The following TINAG variants were observed in gnomAD, a reference collection of about 807,000 sequenced individuals.
The protein encoded by TINAG is tubulointerstitial nephritis antigen.
Under a neutral mutation model 72.7 loss-of-function variants are expected in TINAG, and 83 were observed. That is an observed-to-expected ratio of 1.14 (90% CI 0.96 to 1.37). TINAG has a LOEUF of 1.37. Among genes scored for constraint, TINAG ranks in the 40% most tolerant of loss-of-function variants. The pLI is 0.00. For missense variants in TINAG, 685 were observed against 576.6 expected (o/e 1.19, Z -1.93); for synonymous variants, 234 against 189.9 (o/e 1.23, Z -1.91).
intron 10 of TINAG, among the ~76,000 whole-genome samples, chr6:54,384,813 GA>G (rs34350198): frequency 9.9e-5 from 15 of 151,970 alleles, no homozygotes; most frequent in Non-Finnish European, 2.1e-4. Context: ...ATGAAAGATT[GA>G]AAAAAACTAT....
chr6:54,346,176 A>G (rs1785116752), intron 5 of TINAG, among the ~76,000 whole-genome samples: 3 of 152,084 alleles, frequency 2.0e-5, no homozygotes, highest in African/African-American at 4.8e-5. Flanking sequence ...AATGATCAAA[A>G]TGATGACATC....
At chr6:54,377,513 G>GAAATAAATAAAT (rs58647495) in intron 9 of TINAG, among the ~76,000 whole-genome samples, 1 of 151,212 alleles carries the variant, frequency 6.6e-6, no homozygotes, top group East Asian at 1.9e-4. Context: ...CTCGGTCTCA[G>GAAATAAATAAAT]AAATAAATAA....
At chr6:54,315,211 G>C (rs12208501) in intron 1 of TINAG, among the ~76,000 whole-genome samples, 4 of 151,908 alleles carry the variant, frequency 2.6e-5, no homozygotes, top group Non-Finnish European at 5.9e-5. Context: ...TATTGTGCCT[G>C]TTCTAAGAGC....
rs145763364 is a variant in TINAG at position 54,353,014 on chromosome 6, G to A, written c.1127-1499G>A. Among the ~76,000 whole-genome samples, 186 of 151,830 alleles carry A rather than the reference G, an allele frequency of 1.2e-3. 1 individual carries two copies. The East Asian group carries it at 0.014, about 11-fold the overall frequency. On this transcript the variant is annotated intron_variant, in intron 8 of 10. Transcript: ENST00000259782. ...CGAGGAACAACCAAACATCTCATCC[G>A]TGTTATAATTCTGTATAATGAGTTT...
At chr6:54,368,026 A>G (rs1044867298) in intron 9 of TINAG, among the ~76,000 whole-genome samples, 3 of 151,622 alleles carry the variant, frequency 2.0e-5, no homozygotes, top group African/African-American at 7.3e-5. Flanking sequence ...TACCATTGCA[A>G]TGGGAGTTAA....
At chr6:54,309,049 G>T (rs1784179053) in intron 1 of TINAG, 144 bp downstream of exon 1, 2 of 882,338 alleles carry the variant, frequency 2.3e-6, no homozygotes, top group South Asian at 3.6e-5. Context: ...CATTTCTTTG[G>T]ATTGTTAAAG....
intron 9 of TINAG, among the ~76,000 whole-genome samples, chr6:54,377,199 T>C (rs1473221958): frequency 1.3e-5 from 2 of 152,148 alleles, no homozygotes; most frequent in African/African-American, 4.8e-5. Context: ...GAACCCACTG[T>C]GCTCACAAAG....
intron 9 of TINAG, among the ~76,000 whole-genome samples, chr6:54,358,079 T>A (rs1331849585): frequency 6.6e-6 from 1 of 151,744 alleles, no homozygotes; most frequent in African/African-American, 2.4e-5. Flanking sequence ...CCCCAGTGCC[T>A]TTCCCTCTAC....
Position 54,380,572 on chromosome 6 carries a change from G to A in TINAG, c.1296+1G>A, listed in dbSNP as rs769491351. ...ACAAGGGCAGAAAGAAAAATTTTGG[G>A]TATGTAACTCTTTCCAGTTGAATTC... On this transcript the variant is annotated splice_donor_variant, in intron 10 of 10. Transcript: ENST00000259782. LOFTEE classifies it high-confidence loss of function. The A allele has an allele frequency of 6.2e-6, 10 of 1,609,268 alleles. No homozygotes were observed. Among genetic ancestry groups the A allele is most frequent in the Non-Finnish European group, 7.6e-6 (9 of 1,177,054 alleles).
chr6:54,337,189 C>A lies in TINAG; in HGVS notation c.625-6037C>A, dbSNP rs537543378. ...CCAAGTACTGAGGCATAAGAAATAT[C>A]TTTGAAAATCTTAAAGTAATTTTCC... On this transcript the variant is annotated intron_variant, in intron 4 of 10. Coordinates refer to ENST00000259782, the MANE Select transcript of TINAG (RefSeq NM_014464.4). 2.0e-5 allele frequency among the ~76,000 whole-genome samples: 3 copies of A among 146,944 alleles called. No homozygotes were observed. In the East Asian group the frequency reaches 6.0e-4, roughly 30 times the overall value.
chr6:54,386,141 T>C (rs1469989625), intron 10 of TINAG, among the ~76,000 whole-genome samples: 4 of 152,118 alleles, frequency 2.6e-5, no homozygotes, highest in Non-Finnish European at 5.9e-5. Flanking sequence ...TCTGCCCACC[T>C]TGGCCTCCCA....
At position 54,308,492 on chromosome 6, in the gene TINAG, C is replaced by T; in HGVS notation, c.-59C>T. Reference sequence around the variant, plus strand: ...AGAATTCAGGTTCCAAGGAGAAGCCCACAAGGCTAAGGGTATTGGATATAA... The same window carrying T: ...AGAATTCAGGTTCCAAGGAGAAGCCTACAAGGCTAAGGGTATTGGATATAA... On this transcript the variant is annotated 5_prime_UTR_variant, in exon 1 of 11. Coordinates refer to ENST00000259782, the MANE Select transcript of TINAG (RefSeq NM_014464.4). 6.9e-7 allele frequency: 1 copy of T among 1,446,470 alleles called. No homozygotes were observed. The allele number at this position is 1,446,470 out of a possible 1,614,324, so 89.6% of individuals were successfully genotyped here. A position where few individuals can be genotyped will look rare whatever the true frequency, so the allele number is the denominator to read the frequency against.
Position 54,321,180 on chromosome 6 carries a change from TGGC to T in TINAG, c.420-116_420-114del, listed in dbSNP as rs1784482003. On this transcript the variant is annotated intron_variant, in intron 2 of 10. Coordinates refer to ENST00000259782, the MANE Select transcript of TINAG (RefSeq NM_014464.4). ...TTTTGCCAAGAATCAAATAACCATATGGCTAACATTAATCAAGAAATTATGTTT... is the reference window on the plus strand; with the variant it reads ...TTTTGCCAAGAATCAAATAACCATATTAACATTAATCAAGAAATTATGTTT... 6 of 788,534 alleles carry T rather than the reference TGGC, an allele frequency of 7.6e-6. No homozygotes were observed. The East Asian group carries it at 1.5e-4, about 20-fold the overall frequency. 48.8% of individuals were successfully genotyped at this position (788,534 alleles called of 1,614,324 possible).
intron 9 of TINAG, among the ~76,000 whole-genome samples, chr6:54,360,632 CT>C (rs1343324858): frequency 2.6e-5 from 4 of 151,426 alleles, no homozygotes; most frequent in Non-Finnish European, 5.9e-5. Flanking sequence ...ATGCCATTTA[CT>C]TTTGCTTATA....
At chr6:54,342,403 G>A (rs1034573975) in intron 4 of TINAG, among the ~76,000 whole-genome samples, 4 of 150,064 alleles carry the variant, frequency 2.7e-5, no homozygotes, top group African/African-American at 9.9e-5. Flanking sequence ...CTGTCGCCCA[G>A]GCTGGAGAGC....
intron 10 of TINAG, among the ~76,000 whole-genome samples, chr6:54,384,325 A>T (rs1279917122): frequency 6.6e-6 from 1 of 152,184 alleles, no homozygotes; most frequent in East Asian, 1.9e-4. Flanking sequence ...CATGTTCTGC[A>T]CATGTACCCC....
At chr6:54,388,174 T>C (rs1241263593) in intron 10 of TINAG, among the ~76,000 whole-genome samples, 1 of 152,158 alleles carries the variant, frequency 6.6e-6, no homozygotes, top group African/African-American at 2.4e-5. Context: ...TTGTGACTAA[T>C]TTTATTTGAT....
In TINAG at chr6:54,368,810, A is replaced by G. The variant is rs1339549636; in HGVS notation, c.1251-11716A>G. 7.9e-5 allele frequency among the ~76,000 whole-genome samples: 12 copies of G among 151,632 alleles called. No homozygotes were observed. In the Admixed American group the frequency reaches 7.9e-4, roughly 10 times the overall value. On this transcript the variant is annotated intron_variant, in intron 9 of 10. Transcript: ENST00000259782. ...TAACTAATAAAGAGATAATATAGGT[A>G]TTTTTACTTTTTAAAAACTACTATT...
intron 1 of TINAG, among the ~76,000 whole-genome samples, chr6:54,315,209 C>T (rs1784344854): frequency 6.6e-6 from 1 of 152,018 alleles, no homozygotes; most frequent in Admixed American, 6.6e-5. Context: ...CTTATTGTGC[C>T]TGTTCTAAGA....
Sources: gnomAD v4.1 joint callset for allele counts (sites outside exome capture counted in the v4.1 genomes callset) on GRCh38, gnomAD v4.1.1 for gene constraint, MANE v1.5 for transcripts, NCBI Gene and HGNC (gene_info 2026-07-23, HGNC 2026-07-21) for gene names.